Variants in GAS2 observed in about 807,000 individuals in gnomAD.
GAS2 encodes the protein growth arrest specific 2.
GAS2 carries 20 observed loss-of-function variants against 37.5 expected under a neutral mutation model. That is an observed-to-expected ratio of 0.53 (90% CI 0.37 to 0.77). GAS2 has a LOEUF of 0.77. Ranked by LOEUF, GAS2 falls within the 30% of genes least tolerant of loss-of-function variation. GAS2 has a pLI of 0.00. For synonymous variants in GAS2, 144 were observed against 132.2 expected, an observed-to-expected ratio of 1.09 and a Z score of -0.61; for missense variants, 336 against 373.4, an observed-to-expected ratio of 0.90 and a Z score of 0.82.
intron 7 of GAS2, among the ~76,000 whole-genome samples, chr11:22,798,568 T>C (rs1420883706): frequency 3.3e-5 from 5 of 151,972 alleles, no homozygotes; most frequent in African/African-American, 9.7e-5. Flanking sequence ...AATGAGATAG[T>C]AAATAAGATA....
intron 7 of GAS2, among the ~76,000 whole-genome samples, chr11:22,769,919 G>A (rs187280658): frequency 6.6e-5 from 10 of 152,244 alleles, no homozygotes; most frequent in Middle Eastern, 3.4e-3. Flanking sequence ...AAGTAATTGC[G>A]GTTTTTGCCA....
chr11:22,700,546 G>T (rs538209906), intron 3 of GAS2, among the ~76,000 whole-genome samples: 1 of 152,144 alleles, frequency 6.6e-6, no homozygotes, highest in South Asian at 2.1e-4. Flanking sequence ...AACAGACCAT[G>T]GGGATTTAAA....
chr11:22,790,590 AT>A (rs58284244), intron 7 of GAS2, among the ~76,000 whole-genome samples: 66,470 of 111,594 alleles, frequency 0.6, 17,913 homozygotes, highest in East Asian at 0.78. Context: ...CTTCTTCTCT[AT>A]TTTTTTTTTT....
chr11:22,747,614 C>T (rs983196998), intron 5 of GAS2, among the ~76,000 whole-genome samples: 3 of 151,944 alleles, frequency 2.0e-5, no homozygotes, highest in Admixed American at 1.3e-4. Flanking sequence ...ACCTTTACAG[C>T]TAAAAAGATC....
In GAS2 at chr11:22,685,700, A is replaced by G; in HGVS notation, c.178A>G (p.Lys60Glu). ...KEITAETFME[K>E]LDNGALLCQL... ...GATTACAGCAGAAACTTTTATGGAG[A>G]AGTTGGACAATGGTGCCTTGCTCTG... The change falls in exon 3 of 8, where the codon AAG becomes GAG. Residue 60 changes from lysine to glutamate, a missense_variant. Coordinates refer to ENST00000454584, the MANE Select transcript of GAS2 (RefSeq NM_001143830.3). 1 of 1,613,678 alleles carries G rather than the reference A, an allele frequency of 6.2e-7. No individual in the cohort carries two copies. The highest frequency in any genetic ancestry group is 1.3e-5 in the African/African-American group (1 of 75,028).
chr11:22,783,157 T>A (rs1023949549), intron 7 of GAS2, among the ~76,000 whole-genome samples: 27 of 152,210 alleles, frequency 1.8e-4, no homozygotes, highest in African/African-American at 6.3e-4. Flanking sequence ...CAAGATAGCA[T>A]CTCATTGTGG....
chr11:22,652,993 G>GTCTTTCTTTCGT (rs1848806008), intron 1 of GAS2, among the ~76,000 whole-genome samples: 1 of 97,036 alleles, frequency 1.0e-5, no homozygotes. Flanking sequence ...TTCTTTCTTT[G>GTCTTTCTTTCGT]TCTTTCTTTC....
upstream of GAS2, among the ~76,000 whole-genome samples, chr11:22,666,391 A>G (rs1270010615): frequency 2.6e-5 from 4 of 152,214 alleles, no homozygotes; most frequent in Admixed American, 2.6e-4. Flanking sequence ...CCCAATTTTA[A>G]TATTGTGCTA....
intron 1 of GAS2, among the ~76,000 whole-genome samples, chr11:22,632,589 C>A (rs1178960594): frequency 6.6e-6 from 1 of 152,100 alleles, no homozygotes; most frequent in Non-Finnish European, 1.5e-5. Flanking sequence ...ATTTGAATAT[C>A]TAAATTGCTG....
chr11:22,627,276 A>G (rs1344585438), intron 1 of GAS2, among the ~76,000 whole-genome samples: 1 of 152,244 alleles, frequency 6.6e-6, no homozygotes, highest in Non-Finnish European at 1.5e-5. Flanking sequence ...TTATTCTTAT[A>G]TTTAACACCT....
chr11:22,653,193 T>C (rs1565067765), intron 1 of GAS2, among the ~76,000 whole-genome samples: 1 of 151,830 alleles, frequency 6.6e-6, no homozygotes, highest in Admixed American at 6.6e-5. Context: ...TTTGCTTCTA[T>C]ATATAGTCAG....
At chr11:22,783,196 T>C (rs745789432) in intron 7 of GAS2, among the ~76,000 whole-genome samples, 3 of 149,362 alleles carry the variant, frequency 2.0e-5, no homozygotes, top group Non-Finnish European at 4.4e-5. Context: ...TGATGATTAG[T>C]GATGATGAGC....
intron 4 of GAS2, among the ~76,000 whole-genome samples, chr11:22,727,672 T>C (rs1852280278): frequency 6.6e-6 from 1 of 152,010 alleles, no homozygotes; most frequent in Non-Finnish European, 1.5e-5. Flanking sequence ...TACACAATAG[T>C]GTGCTCATGA....
intron 7 of GAS2, among the ~76,000 whole-genome samples, chr11:22,769,398 A>G (rs1854859554): frequency 6.6e-6 from 1 of 152,212 alleles, no homozygotes; most frequent in Non-Finnish European, 1.5e-5. Flanking sequence ...ACCAATAAGT[A>G]CTGAAAGAAT....
intron 1 of GAS2, among the ~76,000 whole-genome samples, chr11:22,631,392 A>G (rs1348397752): frequency 6.6e-6 from 1 of 152,116 alleles, no homozygotes. Flanking sequence ...AAGTGATGAA[A>G]GTGGACATCT....
intron 3 of GAS2, among the ~76,000 whole-genome samples, chr11:22,691,273 A>G (rs910055800): frequency 2.6e-5 from 4 of 152,194 alleles, no homozygotes; most frequent in African/African-American, 9.6e-5. Flanking sequence ...GCCCATCAGG[A>G]GTACTTGGTT....
chr11:22,712,454 G>A (rs952902109), intron 3 of GAS2, among the ~76,000 whole-genome samples: 1 of 152,168 alleles, frequency 6.6e-6, no homozygotes, highest in Non-Finnish European at 1.5e-5. Flanking sequence ...GGTAATAACA[G>A]TCACAGGAGT....
chr11:22,641,787 A>G (rs2133818709), intron 1 of GAS2, among the ~76,000 whole-genome samples: 1 of 152,306 alleles, frequency 6.6e-6, no homozygotes, highest in Non-Finnish European at 1.5e-5. Context: ...GTGAGTCATA[A>G]TATTATCAAT....
chr11:22,699,651 C>G (rs1472092601), intron 3 of GAS2, among the ~76,000 whole-genome samples: 2 of 152,030 alleles, frequency 1.3e-5, no homozygotes, highest in African/African-American at 2.4e-5. Flanking sequence ...GTCATACTAC[C>G]TGGGTTGAAA....
Sources: allele counts gnomAD v4.1 joint callset (sites outside exome capture counted in the v4.1 genomes callset), GRCh38; gene constraint gnomAD v4.1.1; transcripts MANE v1.5; gene names NCBI Gene and HGNC (gene_info 2026-07-23, HGNC 2026-07-21).